Variants in SYT1 observed in about 807,000 individuals in gnomAD.
The protein encoded by SYT1 is synaptotagmin-1.
SYT1 carries 8 observed loss-of-function variants against 44.8 expected under a neutral mutation model. That is an observed-to-expected ratio of 0.18 (90% confidence interval 0.10 to 0.32). The LOEUF (loss-of-function observed/expected upper bound fraction) is 0.32, where lower values mean the gene tolerates loss of function less well. Ranked by LOEUF, SYT1 falls within the 10% of genes least tolerant of loss-of-function variation. The pLI is 1.00. For synonymous variants in SYT1, 154 were observed against 188.8 expected, an observed-to-expected ratio of 0.82 and a Z score of 1.51; for missense variants, 286 against 509.3, an observed-to-expected ratio of 0.56 and a Z score of 4.22.
intron 3 of SYT1, among the ~76,000 whole-genome samples, chr12:79,174,187 TGGATGCTGAAATCACTAA>T (rs1871717093): frequency 1.3e-5 from 2 of 152,206 alleles, no homozygotes; most frequent in South Asian, 2.1e-4. Flanking sequence ...GGGTCATCAC[TGGATGCTGAAATCACTAA>T]GGATGCTTCT....
intron 3 of SYT1, among the ~76,000 whole-genome samples, chr12:79,129,822 G>A (rs1315075829): frequency 1.3e-5 from 2 of 152,104 alleles, no homozygotes; most frequent in Non-Finnish European, 2.9e-5. Context: ...AAGTATAAAT[G>A]TATAAAATTC....
chr12:78,873,033 A>G (rs973783205), intron 1 of SYT1, among the ~76,000 whole-genome samples: 26 of 151,760 alleles, frequency 1.7e-4, no homozygotes, highest in African/African-American at 6.3e-4. Context: ...TGCCATTGCA[A>G]TGGTAACAAG....
intron 9 of SYT1, among the ~76,000 whole-genome samples, chr12:79,391,245 A>G (rs1289224756): frequency 6.6e-6 from 1 of 152,192 alleles, no homozygotes; most frequent in Non-Finnish European, 1.5e-5. Flanking sequence ...ATCCTGATTC[A>G]ATAGCTCTGA....
At chr12:79,155,978 T>C (rs1215525443) in intron 3 of SYT1, among the ~76,000 whole-genome samples, 1 of 152,232 alleles carries the variant, frequency 6.6e-6, no homozygotes, top group Non-Finnish European at 1.5e-5. Context: ...CTAAATCATG[T>C]ACTCAGTCTC....
intron 4 of SYT1, among the ~76,000 whole-genome samples, chr12:79,275,410 G>A (rs550497605): frequency 6.6e-6 from 1 of 152,270 alleles, no homozygotes; most frequent in East Asian, 1.9e-4. Flanking sequence ...ATTTGGGGGT[G>A]ACTGCGTCCC....
chr12:79,185,632 C>A (rs1179605179), intron 3 of SYT1, among the ~76,000 whole-genome samples: 1 of 151,976 alleles, frequency 6.6e-6, no homozygotes, highest in East Asian at 1.9e-4. Context: ...CAGTCCATTA[C>A]AGCAAATCTT....
upstream of SYT1, chr12:78,864,194 A>G (rs1873409990): frequency 6.6e-6 from 1 of 151,278 alleles, no homozygotes; most frequent in Non-Finnish European, 1.5e-5. Context: ...AGCTTTCACA[A>G]CTCCGCCGGG....
intron 8 of SYT1, among the ~76,000 whole-genome samples, chr12:79,352,186 AC>A (rs34574402): frequency 0.073 from 9,007 of 123,680 alleles, 261 homozygotes; most frequent in East Asian, 0.14. Flanking sequence ...TAATGAATAC[AC>A]CCCCCCCCCA....
At chr12:79,205,968 G>A (rs1251666647) in intron 3 of SYT1, among the ~76,000 whole-genome samples, 2 of 151,842 alleles carry the variant, frequency 1.3e-5, no homozygotes, top group African/African-American at 4.8e-5. Context: ...CGTATTTCAT[G>A]TACTCTAAGA....
chr12:79,363,433 C>A (rs921390279), intron 9 of SYT1, among the ~76,000 whole-genome samples: 15 of 151,970 alleles, frequency 9.9e-5, no homozygotes, highest in Non-Finnish European at 1.8e-4. Flanking sequence ...CTTTTAAAAA[C>A]AACTGTACTG....
At chr12:79,101,282 AT>A (rs1878430958) in intron 3 of SYT1, among the ~76,000 whole-genome samples, 1 of 152,222 alleles carries the variant, frequency 6.6e-6, no homozygotes, top group Non-Finnish European at 1.5e-5. Flanking sequence ...ACAATGGAAT[AT>A]TTTTCAGACT....
At chr12:78,948,028 G>A (rs569662501) in intron 1 of SYT1, among the ~76,000 whole-genome samples, 1 of 151,938 alleles carries the variant, frequency 6.6e-6, no homozygotes, top group South Asian at 2.1e-4. Flanking sequence ...TAAGAAAGGT[G>A]ATGAACTTAA....
In SYT1 at chr12:79,324,324, C is replaced by T. The variant is rs563313053; in HGVS notation, c.810+24773C>T. On this transcript the variant is annotated intron_variant, in intron 8 of 10. Transcript: ENST00000261205. ...TAACACATTTGATGTAACAAATGACCGTGCTTTCAGAATTCAGTCCAGTAT... is the reference window on the plus strand; with the variant it reads ...TAACACATTTGATGTAACAAATGACTGTGCTTTCAGAATTCAGTCCAGTAT... Among the ~76,000 whole-genome samples the T allele has an allele frequency of 5.3e-5, 8 of 152,182 alleles. No individual in the cohort carries two copies. The South Asian group carries it at 8.3e-4, about 16-fold the overall frequency.
At chr12:79,243,615 A>C (rs1245810) in intron 4 of SYT1, among the ~76,000 whole-genome samples, 106,530 of 151,974 alleles carry the variant, frequency 0.7, 37,792 homozygotes, top group African/African-American at 0.76. Context: ...GGTCTCTAAA[A>C]CTAAAGTCAC....
intron 4 of SYT1, among the ~76,000 whole-genome samples, chr12:79,270,907 T>G (rs898712759): frequency 2.0e-5 from 3 of 152,232 alleles, no homozygotes; most frequent in Non-Finnish European, 2.9e-5. Flanking sequence ...TTTTAGGGAC[T>G]GCAAAAAAGA....
At position 79,419,313 on chromosome 12, in the gene SYT1, C is replaced by T. The variant is rs758584383; in HGVS notation, c.929-24760C>T. Reference sequence around the variant, plus strand: ...GAGAATTCCAAATGAGCTTAATTTCCTTTTTTCTAAATCTTAATAATCTAC... The same window carrying T: ...GAGAATTCCAAATGAGCTTAATTTCTTTTTTTCTAAATCTTAATAATCTAC... On this transcript the variant is annotated intron_variant, in intron 9 of 10. Transcript: ENST00000261205. 5 of 513,518 alleles carry T rather than the reference C, an allele frequency of 9.7e-6. No homozygotes were observed. The Admixed American group carries it at 9.9e-5, about 10-fold the overall frequency. 31.8% of individuals were successfully genotyped at this position (513,518 alleles called of 1,614,324 possible). A position where few individuals can be genotyped will look rare whatever the true frequency, so the allele number is the denominator to read the frequency against.
At chr12:78,977,091 GA>G in intron 1 of SYT1, among the ~76,000 whole-genome samples, 1 of 151,498 alleles carries the variant, frequency 6.6e-6, no homozygotes, top group South Asian at 2.1e-4. Flanking sequence ...AAAGAATGGG[GA>G]AAAAAGAAGA....
At chr12:79,407,587 C>T (rs1885288082) in intron 9 of SYT1, among the ~76,000 whole-genome samples, 1 of 152,072 alleles carries the variant, frequency 6.6e-6, no homozygotes, top group Non-Finnish European at 1.5e-5. Context: ...AAATACTAAG[C>T]TCTGAGAAGA....
intron 4 of SYT1, among the ~76,000 whole-genome samples, chr12:79,252,286 G>A (rs1017468891): frequency 3.3e-5 from 5 of 151,950 alleles, no homozygotes. Context: ...TAGAACAATG[G>A]CTAATTTATT....
Sources: gnomAD v4.1 joint callset for allele counts (sites outside exome capture counted in the v4.1 genomes callset) on GRCh38, gnomAD v4.1.1 for gene constraint, MANE v1.5 for transcripts, NCBI Gene and HGNC (gene_info 2026-07-23, HGNC 2026-07-21) for gene names.